PAX2: variants seen among roughly 807,000 people sequenced by gnomAD.
The protein encoded by PAX2 is paired box 2.
PAX2 carries 9 observed loss-of-function variants against 41.7 expected under a neutral mutation model. The observed-to-expected ratio is 0.22, with a 90% confidence interval of 0.13 to 0.38. PAX2 has a LOEUF of 0.38. Ranked by LOEUF, PAX2 falls within the 10% of genes least tolerant of loss-of-function variation. The pLI is 1.00. For missense variants in PAX2, 418 were observed against 531.6 expected, an observed-to-expected ratio of 0.79 and a Z score of 2.10; for synonymous variants, 221 against 212.7, an observed-to-expected ratio of 1.04 and a Z score of -0.34.
chr10:100,806,482 T>G lies in PAX2; in HGVS notation c.669T>G (p.Ser223Arg). The G allele has an allele frequency of 6.2e-7, 1 of 1,614,210 alleles. No individual in the cohort carries two copies. The highest frequency in any genetic ancestry group is 8.5e-7 in the Non-Finnish European group (1 of 1,180,038). ...PNGDSQSGVD[S>R]LRKHLRADTF... Reference sequence around the variant, plus strand: ...GAGATTCCCAGAGTGGTGTGGACAGTTTGCGGAAGCACTTGCGAGCTGACA... The same window carrying G: ...GAGATTCCCAGAGTGGTGTGGACAGGTTGCGGAAGCACTTGCGAGCTGACA... The change falls in exon 6 of 10, where the codon AGT (serine) becomes AGG (arginine). Residue 223 changes from serine (S) to arginine (R), a missense_variant. Transcript: ENST00000355243.
At chr10:100,795,533 G>A (rs946039556) in intron 5 of PAX2, among the ~76,000 whole-genome samples, 3 of 152,214 alleles carry the variant, frequency 2.0e-5, no homozygotes, top group East Asian at 1.9e-4. Context: ...TTGTGAGTGC[G>A]TGCAAGCTCT....
At chr10:100,777,093 T>G (rs572619435) in intron 3 of PAX2, among the ~76,000 whole-genome samples, 17 of 147,836 alleles carry the variant, frequency 1.1e-4, no homozygotes, top group Non-Finnish European at 4.4e-5. Flanking sequence ...TAATTGGTAC[T>G]GTGATTTTTT....
chr10:100,822,041 A>C (rs1848393483), intron 7 of PAX2, among the ~76,000 whole-genome samples: 1 of 152,202 alleles, frequency 6.6e-6, no homozygotes, highest in African/African-American at 2.4e-5. Context: ...ACTGAGAGAC[A>C]GTCAGGAGGA....
chr10:100,820,747 T>C (rs1472863568), intron 7 of PAX2, among the ~76,000 whole-genome samples: 4 of 152,236 alleles, frequency 2.6e-5, no homozygotes, highest in African/African-American at 9.6e-5. Flanking sequence ...CTTTGTAACC[T>C]TGGAAAGCAA....
intron 3 of PAX2, among the ~76,000 whole-genome samples, chr10:100,765,986 C>A (rs1247548887): frequency 6.6e-6 from 1 of 152,152 alleles, no homozygotes; most frequent in Non-Finnish European, 1.5e-5. Flanking sequence ...GGAACCGTTA[C>A]AAGCATGTTT....
intron 5 of PAX2, among the ~76,000 whole-genome samples, chr10:100,796,957 G>A (rs1386840728): frequency 6.6e-6 from 1 of 152,150 alleles, no homozygotes; most frequent in East Asian, 1.9e-4. Flanking sequence ...ATCTAAGAGG[G>A]AATCCAATTA....
chr10:100,737,943 A>G (rs966818011), intron 1 of PAX2, among the ~76,000 whole-genome samples: 1 of 152,204 alleles, frequency 6.6e-6, no homozygotes, highest in Non-Finnish European at 1.5e-5. Context: ...AGGGCGAGAG[A>G]AGGAGGAAGG....
At chr10:100,817,339 C>G (rs1848223803) in intron 7 of PAX2, among the ~76,000 whole-genome samples, 1 of 152,222 alleles carries the variant, frequency 6.6e-6, no homozygotes, top group Admixed American at 6.5e-5. Flanking sequence ...CTTCTCAGCC[C>G]TTTGAAAATG....
chr10:100,774,922 C>T (rs1017019179), intron 3 of PAX2, among the ~76,000 whole-genome samples: 18 of 152,260 alleles, frequency 1.2e-4, no homozygotes, highest in African/African-American at 4.3e-4. Context: ...TGGAAGTCCC[C>T]ATGCGGGGCC....
At chr10:100,808,256 A>G (rs1181614404) in intron 6 of PAX2, among the ~76,000 whole-genome samples, 1 of 152,062 alleles carries the variant, frequency 6.6e-6, no homozygotes, top group Non-Finnish European at 1.5e-5. Flanking sequence ...TACAAAACTG[A>G]TTTCTACAGG....
Position 100,758,420 on chromosome 10 carries a change from G to A in PAX2, c.410+7529G>A, listed in dbSNP as rs541462995. On this transcript the variant is annotated intron_variant, in intron 3 of 9. Transcript: ENST00000355243. Reference sequence around the variant, plus strand: ...CTCCCAGATTGCTGGGATTACAGGCGTGAGCCACCGCGCCCGGCCGTCAGG... The same window carrying A: ...CTCCCAGATTGCTGGGATTACAGGCATGAGCCACCGCGCCCGGCCGTCAGG... Among the ~76,000 whole-genome samples, 5 of 152,322 alleles carry A rather than the reference G, an allele frequency of 3.3e-5. No individual in the cohort carries two copies. The South Asian group carries it at 1.0e-3, about 32-fold the overall frequency.
At chr10:100,812,908 C>T (rs144986118) in intron 7 of PAX2, among the ~76,000 whole-genome samples, 2 of 152,348 alleles carry the variant, frequency 1.3e-5, no homozygotes, top group East Asian at 3.9e-4. Flanking sequence ...TGTGCAGTTC[C>T]ATGCTCTCTA....
At chr10:100,779,820 ATCCTCTCCCC>A in intron 4 of PAX2, among the ~76,000 whole-genome samples, 1 of 146,662 alleles carries the variant, frequency 6.8e-6, no homozygotes, top group Non-Finnish European at 1.5e-5. Flanking sequence ...GTCAGTCCCT[ATCCTCTCCCC>A]TCCTCTCCTC....
At chr10:100,754,421 C>T (rs1323246565) in intron 3 of PAX2, among the ~76,000 whole-genome samples, 1 of 152,214 alleles carries the variant, frequency 6.6e-6, no homozygotes, top group Non-Finnish European at 1.5e-5. Context: ...CTCTCTGCCC[C>T]TAGATCTTTG....
At chr10:100,792,814 C>T (rs957823471) in intron 5 of PAX2, among the ~76,000 whole-genome samples, 4 of 151,680 alleles carry the variant, frequency 2.6e-5, no homozygotes, top group Non-Finnish European at 5.9e-5. Context: ...GCTACACACA[C>T]AAAAAGAAAA....
chr10:100,815,774 A>C (rs10883544), intron 7 of PAX2, among the ~76,000 whole-genome samples: 41,990 of 152,084 alleles, frequency 0.28, 6,754 homozygotes, highest in African/African-American at 0.43. Context: ...ATTTGACCAG[A>C]ATAAAAGCTG....
At position 100,806,530 on chromosome 10, in the gene PAX2, A is replaced by G. The variant is rs764282369; in HGVS notation, c.717A>G (p.Glu239=). 1.2e-6 allele frequency: 2 copies of G among 1,614,216 alleles called. No homozygotes were observed. Among genetic ancestry groups the G allele is most frequent in the East Asian group, 2.2e-5 (1 of 44,866 alleles). Residue 239 remains glutamate (E), a synonymous_variant, in exon 6 of 10, where the codon GAA becomes GAG. Coordinates refer to ENST00000355243, the MANE Select transcript of PAX2 (RefSeq NM_000278.5). Reference sequence around the variant, plus strand: ...ACACCTTCACCCAGCAGCAGCTGGAAGCTTTGGATCGGGTCTTTGAGCGTC... The same window carrying G: ...ACACCTTCACCCAGCAGCAGCTGGAGGCTTTGGATCGGGTCTTTGAGCGTC... The part of the protein sequence containing the change: ...RADTFTQQQL[E]ALDRVFERPS...
upstream of PAX2, among the ~76,000 whole-genome samples, chr10:100,745,387 C>T (rs1432946565): frequency 6.6e-6 from 1 of 151,830 alleles, no homozygotes. Flanking sequence ...CCTGCCCTCC[C>T]CTAGCCGGCA....
intron 4 of PAX2, 98 bp from the exon 5 acceptor site, chr10:100,781,148 C>G (rs1846604511): frequency 8.2e-7 from 1 of 1,218,446 alleles, no homozygotes; most frequent in Admixed American, 1.7e-5. Flanking sequence ...CTCCTTATGT[C>G]CTCTGCTTCT....
Sources: gnomAD v4.1 joint callset for allele counts (sites outside exome capture counted in the v4.1 genomes callset) on GRCh38, gnomAD v4.1.1 for gene constraint, MANE v1.5 for transcripts, NCBI Gene and HGNC (gene_info 2026-07-23, HGNC 2026-07-21) for gene names.